The following ADCY8 variants were observed in gnomAD, a reference collection of about 807,000 sequenced individuals.
The protein encoded by ADCY8 is adenylate cyclase type 8.
ADCY8 carries 51 observed loss-of-function variants against 119.7 expected under a neutral mutation model. That is an observed-to-expected ratio of 0.43 (90% CI 0.34 to 0.54). ADCY8 has a LOEUF of 0.54. Among genes scored for constraint, ADCY8 ranks in the 20% least tolerant of loss-of-function variants. The pLI, the probability that ADCY8 is intolerant of heterozygous loss-of-function variation, is 0.03. For missense variants in ADCY8, 1,383 were observed against 1,598.8 expected (o/e 0.87, Z 2.30); for synonymous variants, 665 against 651.0 (o/e 1.02, Z -0.33).
intron 2 of ADCY8, among the ~76,000 whole-genome samples, chr8:130,970,165 T>C (rs1304650240): frequency 6.6e-6 from 1 of 152,124 alleles, no homozygotes; most frequent in Non-Finnish European, 1.5e-5. Context: ...TCCTGGGCCA[T>C]GGACTGGTAC....
At chr8:130,937,690 T>C (rs1283526852) in intron 4 of ADCY8, among the ~76,000 whole-genome samples, 1 of 152,258 alleles carries the variant, frequency 6.6e-6, no homozygotes, top group Non-Finnish European at 1.5e-5. Flanking sequence ...GCAAGGACAT[T>C]TGCACTTTAT....
chr8:130,983,133 T>A (rs1009245783), intron 2 of ADCY8, among the ~76,000 whole-genome samples: 1 of 152,138 alleles, frequency 6.6e-6, no homozygotes, highest in Non-Finnish European at 1.5e-5. Context: ...AGAGAGTTAC[T>A]GAAAAATTAA....
chr8:131,019,785 A>G (rs1823594375), intron 1 of ADCY8, among the ~76,000 whole-genome samples: 1 of 150,554 alleles, frequency 6.6e-6, no homozygotes, highest in African/African-American at 2.4e-5. Flanking sequence ...ACCAGAAAAC[A>G]CATGGAACAA....
Position 130,921,454 on chromosome 8 carries a change from T to C in ADCY8, c.1482-11588A>G, listed in dbSNP as rs555598130. ...TCCATTTTTCTTTTTCTTTTCTTTT[T>C]TTTTTTTTTTTTTGAGACAGAGTTT... is the stretch of plus-strand genomic sequence containing the variant. On this transcript the variant is annotated intron_variant, in intron 5 of 17. Coordinates refer to ENST00000286355, the MANE Select transcript of ADCY8 (RefSeq NM_001115.3). Among the ~76,000 whole-genome samples the C allele has an allele frequency of 1.0e-4, 15 of 148,724 alleles. No homozygotes were observed. The East Asian group carries it at 1.4e-3, about 13-fold the overall frequency.
intron 11 of ADCY8, among the ~76,000 whole-genome samples, chr8:130,840,333 G>C (rs1817102066): frequency 7.2e-6 from 1 of 138,042 alleles, no homozygotes; most frequent in Non-Finnish European, 1.6e-5. Context: ...TACAAGTAAA[G>C]ACAGAAGATA....
intron 1 of ADCY8, among the ~76,000 whole-genome samples, chr8:131,026,272 C>T (rs992697856): frequency 6.6e-6 from 1 of 152,146 alleles, no homozygotes; most frequent in Non-Finnish European, 1.5e-5. Flanking sequence ...TGCAAGGACA[C>T]AGTCGGAAGA....
At chr8:130,792,375 C>G (rs191002592) in intron 15 of ADCY8, among the ~76,000 whole-genome samples, 14 of 152,354 alleles carry the variant, frequency 9.2e-5, no homozygotes, top group Non-Finnish European at 1.8e-4. Context: ...TCATGTCTTA[C>G]AGCTGTAAAT....
intron 12 of ADCY8, among the ~76,000 whole-genome samples, chr8:130,833,324 A>G (rs1199560502): frequency 6.6e-6 from 1 of 152,160 alleles, no homozygotes; most frequent in Non-Finnish European, 1.5e-5. Flanking sequence ...TCAGAATGTT[A>G]CTCTGAAGAT....
intron 4 of ADCY8, among the ~76,000 whole-genome samples, chr8:130,942,060 C>T (rs184137100): frequency 6.6e-6 from 1 of 152,284 alleles, no homozygotes; most frequent in East Asian, 1.9e-4. Flanking sequence ...TGCTCCATTG[C>T]TATCCATATG....
intron 3 of ADCY8, among the ~76,000 whole-genome samples, chr8:130,950,695 A>C (rs1821243060): frequency 6.6e-6 from 1 of 152,022 alleles, no homozygotes; most frequent in Admixed American, 6.6e-5. Flanking sequence ...TAACCTTTCA[A>C]TACGTTTATT....
intron 1 of ADCY8, among the ~76,000 whole-genome samples, chr8:130,995,057 C>T (rs114859681): frequency 0.01 from 1,596 of 152,256 alleles, 33 homozygotes; most frequent in African/African-American, 0.036. Flanking sequence ...GGAAAATAGT[C>T]ACTCTTATAC....
intron 5 of ADCY8, among the ~76,000 whole-genome samples, chr8:130,935,889 ACTCT>A (rs1480019882): frequency 1.3e-5 from 2 of 151,758 alleles, no homozygotes; most frequent in Non-Finnish European, 2.9e-5. Flanking sequence ...ATTTTGAGAA[ACTCT>A]CTATTATACT....
chr8:130,794,817 T>G (rs930950996), intron 15 of ADCY8, among the ~76,000 whole-genome samples: 6 of 152,228 alleles, frequency 3.9e-5, no homozygotes, highest in African/African-American at 1.4e-4. Context: ...TGTATCTCAT[T>G]TTGTAGATGG....
chr8:130,998,374 G>T (rs116812403), intron 1 of ADCY8, among the ~76,000 whole-genome samples: 375 of 152,286 alleles, frequency 2.5e-3, no homozygotes, highest in African/African-American at 8.7e-3. Context: ...GCACAGAAAA[G>T]TTCCAAGGTT....
chr8:131,007,816 T>C (rs1300700304), intron 1 of ADCY8, among the ~76,000 whole-genome samples: 2 of 152,196 alleles, frequency 1.3e-5, no homozygotes, highest in African/African-American at 4.8e-5. Context: ...TGCCCTCAAG[T>C]AGTTCAGGTC....
At chr8:130,982,682 T>TAATTTAAAAATTCCC (rs148009238) in intron 2 of ADCY8, among the ~76,000 whole-genome samples, 1,824 of 152,318 alleles carry the variant, frequency 0.012, 45 homozygotes, top group African/African-American at 0.041. Context: ...ACCACATATA[T>TAATTTAAAAATTCCC]AATTTAAAAA....
intron 2 of ADCY8, among the ~76,000 whole-genome samples, chr8:130,982,124 A>T (rs1822258376): frequency 6.6e-6 from 1 of 152,224 alleles, no homozygotes; most frequent in African/African-American, 2.4e-5. Context: ...AGGCAGCCAG[A>T]TGGAACACAA....
At chr8:131,021,967 A>T (rs1042182821) in intron 1 of ADCY8, among the ~76,000 whole-genome samples, 5 of 152,206 alleles carry the variant, frequency 3.3e-5, no homozygotes, top group African/African-American at 7.2e-5. Context: ...TTATGTGGGC[A>T]ACTAAGTTTG....
intron 10 of ADCY8, 107 bp downstream of exon 10, chr8:130,849,495 A>G: frequency 8.6e-7 from 1 of 1,166,636 alleles, no homozygotes; most frequent in Non-Finnish European, 1.2e-6. Context: ...AGGCACATAA[A>G]GGTAACTGGT....
Sources: gnomAD v4.1 joint callset for allele counts (sites outside exome capture counted in the v4.1 genomes callset) on GRCh38, gnomAD v4.1.1 for gene constraint, MANE v1.5 for transcripts, NCBI Gene and HGNC (gene_info 2026-07-23, HGNC 2026-07-21) for gene names.